The following GLP2R variants were observed in gnomAD, a reference collection of about 807,000 sequenced individuals.
GLP2R encodes the protein glucagon-like peptide 2 receptor.
A neutral mutation model predicts 68.2 loss-of-function variants in GLP2R; 59 were observed. The observed-to-expected ratio is 0.87, with a 90% CI of 0.70 to 1.07. The LOEUF (loss-of-function observed/expected upper bound fraction) is 1.07. GLP2R is among the 50% of genes least tolerant of loss of function. GLP2R has a pLI of 0.00. For missense variants in GLP2R, 548 were observed against 677.4 expected (o/e 0.81, Z 2.12); for synonymous variants, 270 against 265.4 (o/e 1.02, Z -0.17).
At chr17:9,874,728 G>A (rs1289814688) in intron 10 of GLP2R, among the ~76,000 whole-genome samples, 1 of 152,186 alleles carries the variant, frequency 6.6e-6, no homozygotes, top group Non-Finnish European at 1.5e-5. Context: ...GGATGGGGTA[G>A]AGCATTCCTT....
At chr17:9,887,717 C>T (rs552739586) in intron 11 of GLP2R, among the ~76,000 whole-genome samples, 12 of 152,254 alleles carry the variant, frequency 7.9e-5, no homozygotes, top group East Asian at 3.9e-4. Context: ...CGGAGCAGGG[C>T]GGGCGGGGCG....
intron 1 of GLP2R, among the ~76,000 whole-genome samples, chr17:9,829,525 A>G (rs1225920941): frequency 6.6e-6 from 1 of 152,212 alleles, no homozygotes; most frequent in Non-Finnish European, 1.5e-5. Flanking sequence ...ATTCAACGCT[A>G]GAGGATTTAA....
intron 10 of GLP2R, among the ~76,000 whole-genome samples, chr17:9,879,525 A>G (rs572154147): frequency 2.6e-5 from 4 of 151,764 alleles, no homozygotes; most frequent in South Asian, 2.1e-4. Flanking sequence ...CTGGGACCCA[A>G]CCTCCAGAGG....
chr17:9,827,504 T>C (rs2066643054), intron 1 of GLP2R, among the ~76,000 whole-genome samples: 1 of 152,246 alleles, frequency 6.6e-6, no homozygotes, highest in Admixed American at 6.5e-5. Context: ...TGTCTTTAAC[T>C]ATCCTCTATC....
intron 9 of GLP2R, among the ~76,000 whole-genome samples, chr17:9,867,833 A>G (rs980610584): frequency 1.3e-5 from 2 of 152,242 alleles, no homozygotes; most frequent in Non-Finnish European, 2.9e-5. Context: ...TGATAGCCTC[A>G]GAACTTGGCA....
At chr17:9,885,181 A>ATT (rs1461211214) in intron 11 of GLP2R, among the ~76,000 whole-genome samples, 1 of 148,562 alleles carries the variant, frequency 6.7e-6, no homozygotes, top group Non-Finnish European at 1.5e-5. Context: ...TATTATTATT[A>ATT]TTATTACCAT....
chr17:9,875,198 T>A (rs2067132853), intron 10 of GLP2R, among the ~76,000 whole-genome samples: 1 of 152,244 alleles, frequency 6.6e-6, no homozygotes, highest in Non-Finnish European at 1.5e-5. Context: ...AAAGCCTCGC[T>A]AATTCTCTCA....
At chr17:9,831,061 G>A (rs565159363) in intron 1 of GLP2R, among the ~76,000 whole-genome samples, 1 of 152,362 alleles carries the variant, frequency 6.6e-6, no homozygotes, top group African/African-American at 2.4e-5. Flanking sequence ...TGCTGGTCTA[G>A]TGATGACCAC....
chr17:9,843,894 G>T (rs1199162629), intron 4 of GLP2R, among the ~76,000 whole-genome samples: 1 of 144,574 alleles, frequency 6.9e-6, no homozygotes, highest in Non-Finnish European at 1.5e-5. Flanking sequence ...ATAGCACGTG[G>T]ATACTGCCTC....
chr17:9,849,189 A>C (rs1412924452), intron 4 of GLP2R, among the ~76,000 whole-genome samples: 1 of 152,038 alleles, frequency 6.6e-6, no homozygotes, highest in Non-Finnish European at 1.5e-5. Flanking sequence ...TAGAAAAATT[A>C]AAAGAATAAT....
At chr17:9,888,030 C>A (rs1010754101) in intron 12 of GLP2R, 57 bp downstream of exon 12, 5 of 1,202,464 alleles carry the variant, frequency 4.2e-6, no homozygotes, top group African/African-American at 1.5e-5. Context: ...GCAACCCTAC[C>A]CACCTCTGGA....
At chr17:9,853,303 C>A in intron 4 of GLP2R, 1 of 253,248 alleles carries the variant, frequency 3.9e-6, no homozygotes, top group Non-Finnish European at 7.8e-6. Context: ...CCATCGAGTC[C>A]TCCATGGGGT....
chr17:9,843,169 C>T (rs1010235317), intron 4 of GLP2R, among the ~76,000 whole-genome samples: 1 of 152,200 alleles, frequency 6.6e-6, no homozygotes, highest in Non-Finnish European at 1.5e-5. Context: ...AGTGGCATAG[C>T]ACAGGGTCTA....
chr17:9,889,291 T>C, intron 12 of GLP2R, 79 bp from the exon 13 acceptor site: 2 of 915,116 alleles, frequency 2.2e-6, no homozygotes, highest in Middle Eastern at 2.2e-4. Context: ...ACAGAGTAGC[T>C]ACTCAATTAA....
chr17:9,868,595 T>C lies in GLP2R; in HGVS notation c.1057-2152T>C, dbSNP rs759732619. 3.4e-4 allele frequency among the ~76,000 whole-genome samples: 52 copies of C among 152,098 alleles called. 1 individual carries two copies. Among genetic ancestry groups the C allele is most frequent in the Non-Finnish European group, 8.8e-5 (6 of 68,030 alleles). On this transcript the variant is annotated intron_variant, in intron 9 of 12. Coordinates refer to ENST00000262441, the MANE Select transcript of GLP2R (RefSeq NM_004246.3). Reference sequence around the variant, plus strand: ...TGTGTGAAAATGAAGAACAGCACCATCCAAAAGTACCTGCTGACTCTTGTC... The same window carrying C: ...TGTGTGAAAATGAAGAACAGCACCACCCAAAAGTACCTGCTGACTCTTGTC...
chr17:9,862,418 T>C (rs2066995276), intron 9 of GLP2R, among the ~76,000 whole-genome samples: 1 of 152,164 alleles, frequency 6.6e-6, no homozygotes, highest in Admixed American at 6.5e-5. Context: ...GAACCCAGAA[T>C]AGCAGGGGTA....
At chr17:9,873,361 T>C (rs900411765) in intron 10 of GLP2R, among the ~76,000 whole-genome samples, 8 of 151,958 alleles carry the variant, frequency 5.3e-5, no homozygotes, top group Non-Finnish European at 1.2e-4. Flanking sequence ...AACCCCTAAA[T>C]AGTTTTTCAT....
intron 2 of GLP2R, 118 bp from the exon 3 acceptor site, chr17:9,836,253 C>T: frequency 1.4e-6 from 1 of 699,016 alleles, no homozygotes; most frequent in Admixed American, 2.1e-5. Flanking sequence ...CTGGTTTCTG[C>T]ACAGGTTACA....
intron 10 of GLP2R, among the ~76,000 whole-genome samples, chr17:9,878,971 A>G (rs1299461749): frequency 6.6e-6 from 1 of 152,088 alleles, no homozygotes; most frequent in Non-Finnish European, 1.5e-5. Flanking sequence ...CCTCTTTCCC[A>G]ATGTGGGTAA....
Sources: gnomAD v4.1 joint callset for allele counts (sites outside exome capture counted in the v4.1 genomes callset) on GRCh38, gnomAD v4.1.1 for gene constraint, MANE v1.5 for transcripts, NCBI Gene and HGNC (gene_info 2026-07-23, HGNC 2026-07-21) for gene names.